Variants in ST6GALNAC5 observed in about 807,000 individuals in gnomAD.
The protein encoded by ST6GALNAC5 is alpha-N-acetylgalactosaminide alpha-2,6-sialyltransferase 5.
In ST6GALNAC5, 27 loss-of-function variants were observed where a neutral mutation model predicts 33.6. The ratio of observed to expected loss-of-function variants is 0.80; its 90% confidence interval spans 0.59 to 1.11. The LOEUF (loss-of-function observed/expected upper bound fraction) is 1.11, where lower values mean the gene tolerates loss of function less well. ST6GALNAC5 is among the 50% of genes least tolerant of loss of function. ST6GALNAC5 has a pLI of 0.00. For synonymous variants in ST6GALNAC5, 194 were observed against 171.2 expected (o/e 1.13, Z -1.04); for missense variants, 428 against 454.0 (o/e 0.94, Z 0.52).
Position 77,063,866 on chromosome 1 carries a change from G to T in ST6GALNAC5, c.*660G>T, listed in dbSNP as rs1361987201. On this transcript the variant is annotated 3_prime_UTR_variant, in exon 5 of 5. Coordinates refer to ENST00000477717, the MANE Select transcript of ST6GALNAC5 (RefSeq NM_030965.3). ...AGAATTAGGTTACTCTGTTCACAATGCTCATTGTTAGCATGCAATTGGTAT... is the reference window on the plus strand; with the variant it reads ...AGAATTAGGTTACTCTGTTCACAATTCTCATTGTTAGCATGCAATTGGTAT... 2 of 152,666 alleles carry T rather than the reference G, an allele frequency of 1.3e-5. No individual in the cohort carries two copies. The highest frequency in any genetic ancestry group is 4.8e-5 in the African/African-American group (2 of 41,446). 9.5% of individuals were successfully genotyped at this position (152,666 alleles called of 1,614,324 possible). A position where few individuals can be genotyped will look rare whatever the true frequency, so the allele number is the denominator to read the frequency against.
intron 4 of ST6GALNAC5, among the ~76,000 whole-genome samples, chr1:77,061,267 A>G (rs928671718): frequency 6.6e-6 from 1 of 152,216 alleles, no homozygotes; most frequent in Non-Finnish European, 1.5e-5. Context: ...CATGACAAAA[A>G]TAAATCTCTC....
chr1:76,999,317 C>T (rs1463222545), intron 2 of ST6GALNAC5, among the ~76,000 whole-genome samples: 1 of 152,092 alleles, frequency 6.6e-6, no homozygotes, highest in Non-Finnish European at 1.5e-5. Flanking sequence ...CCTGGTTCAT[C>T]AAGAGGCAAG....
In ST6GALNAC5 at chr1:76,894,789, A is replaced by C. The variant is rs558508621; in HGVS notation, c.261+26047A>C. Among the ~76,000 whole-genome samples, 64 of 152,232 alleles carry C rather than the reference A, an allele frequency of 4.2e-4. 1 individual carries two copies. The highest frequency in any genetic ancestry group is 1.4e-3 in the African/African-American group (57 of 41,552). The stretch of plus-strand genomic sequence containing the variant: ...TTTGAGATATGAAATTACATGAGTA[A>C]GGTTTGGGGTTTTCACCACAATTTC... On this transcript the variant is annotated intron_variant, in intron 2 of 4. Coordinates refer to ENST00000477717, the MANE Select transcript of ST6GALNAC5 (RefSeq NM_030965.3).
At chr1:76,970,804 T>A (rs1042711392) in intron 2 of ST6GALNAC5, among the ~76,000 whole-genome samples, 1 of 152,220 alleles carries the variant, frequency 6.6e-6, no homozygotes. Context: ...TTAAGAATCA[T>A]GTGTTGCATG....
chr1:77,059,957 T>C (rs776769885), intron 4 of ST6GALNAC5, among the ~76,000 whole-genome samples: 2 of 152,182 alleles, frequency 1.3e-5, no homozygotes, highest in Non-Finnish European at 2.9e-5. Context: ...GGTTCAAACC[T>C]AAGACACTTT....
chr1:76,892,746 C>T (rs1654040687), intron 2 of ST6GALNAC5, among the ~76,000 whole-genome samples: 1 of 152,182 alleles, frequency 6.6e-6, no homozygotes, highest in Admixed American at 6.5e-5. Flanking sequence ...TATCTGGAGT[C>T]CTTTAACCAA....
chr1:77,000,243 G>A (rs1479764104), intron 2 of ST6GALNAC5, among the ~76,000 whole-genome samples: 2 of 114,520 alleles, frequency 1.7e-5, no homozygotes, highest in Non-Finnish European at 4.1e-5. Flanking sequence ...GATGGCCAGT[G>A]ATGATGAGCA....
At chr1:76,884,496 A>G (rs746605540) in intron 2 of ST6GALNAC5, among the ~76,000 whole-genome samples, 4 of 152,196 alleles carry the variant, frequency 2.6e-5, no homozygotes, top group Non-Finnish European at 2.9e-5. Context: ...GTGTGCTGGC[A>G]GAGACTTTAG....
chr1:76,867,653 T>G lies in ST6GALNAC5; in HGVS notation c.-23T>G, dbSNP rs759142360. On this transcript the variant is annotated 5_prime_UTR_variant, in exon 1 of 5. In the 5' UTR this introduces an upstream ATG that the reference lacks. Transcript: ENST00000477717. ...GCCCCGGACGCGCGAGCCTGAGGAT[T>G]CTGCACAAAAGAGGTGCCCAAAATG... The G allele has an allele frequency of 6.2e-7, 1 of 1,614,048 alleles. No homozygotes were observed. The highest frequency in any genetic ancestry group is 8.5e-7 in the Non-Finnish European group (1 of 1,180,006).
At chr1:76,911,421 C>T (rs1364032209) in intron 2 of ST6GALNAC5, among the ~76,000 whole-genome samples, 1 of 152,136 alleles carries the variant, frequency 6.6e-6, no homozygotes, top group Non-Finnish European at 1.5e-5. Context: ...GGTTGTGTCT[C>T]TGCCCGGCTT....
intron 2 of ST6GALNAC5, among the ~76,000 whole-genome samples, chr1:76,917,313 A>G (rs562998791): frequency 1.5e-4 from 23 of 152,338 alleles, no homozygotes; most frequent in Admixed American, 9.2e-4. Flanking sequence ...GATTCGTGAT[A>G]GACAAAAAGT....
chr1:77,017,873 A>G (rs1307805924), intron 2 of ST6GALNAC5, among the ~76,000 whole-genome samples: 1 of 152,198 alleles, frequency 6.6e-6, no homozygotes, highest in Non-Finnish European at 1.5e-5. Context: ...CAATGGAAAG[A>G]ACACTACACG....
rs111540287 is a variant in ST6GALNAC5, at chr1:76,911,074, A to G, written c.261+42332A>G. On this transcript the variant is annotated intron_variant, in intron 2 of 4. Coordinates refer to ENST00000477717, the MANE Select transcript of ST6GALNAC5 (RefSeq NM_030965.3). ...AGAACATACACTCAGGAAAAACTTCAGGCTGATACTGCTAAGATTTTAACA... is the reference window on the plus strand; with the variant it reads ...AGAACATACACTCAGGAAAAACTTCGGGCTGATACTGCTAAGATTTTAACA... Among the ~76,000 whole-genome samples the G allele has an allele frequency of 1.0e-3, 154 of 152,220 alleles. 6 individuals are homozygous for G. The highest frequency in any genetic ancestry group is 3.6e-3 in the African/African-American group (148 of 41,572).
intron 2 of ST6GALNAC5, among the ~76,000 whole-genome samples, chr1:76,953,154 T>C (rs1040898389): frequency 1.3e-5 from 2 of 152,134 alleles, no homozygotes; most frequent in Non-Finnish European, 2.9e-5. Context: ...CATTTGTGTA[T>C]TTTGTATATA....
chr1:77,053,060 T>A (rs1199314358), intron 4 of ST6GALNAC5, among the ~76,000 whole-genome samples: 1 of 151,936 alleles, frequency 6.6e-6, no homozygotes, highest in Non-Finnish European at 1.5e-5. Context: ...TATAAAAAGA[T>A]GCAGCTTTTG....
At chr1:77,035,631 A>G (rs949379973) in intron 2 of ST6GALNAC5, among the ~76,000 whole-genome samples, 4 of 152,178 alleles carry the variant, frequency 2.6e-5, no homozygotes, top group Non-Finnish European at 5.9e-5. Context: ...AGTAGATGCA[A>G]TTGAAAGCCT....
intron 2 of ST6GALNAC5, among the ~76,000 whole-genome samples, chr1:76,884,195 G>A (rs919679227): frequency 6.6e-6 from 1 of 152,162 alleles, no homozygotes; most frequent in African/African-American, 2.4e-5. Flanking sequence ...CCACCCTCCT[G>A]TGTCTGTGCA....
chr1:77,038,119 T>A (rs894016255), intron 2 of ST6GALNAC5, among the ~76,000 whole-genome samples: 1 of 152,234 alleles, frequency 6.6e-6, no homozygotes, highest in Non-Finnish European at 1.5e-5. Flanking sequence ...AACTGCTCAG[T>A]ACTGCCTTCT....
intron 2 of ST6GALNAC5, among the ~76,000 whole-genome samples, chr1:76,906,028 A>T (rs1234826604): frequency 6.6e-6 from 1 of 152,104 alleles, no homozygotes. Context: ...AGCAAACAAG[A>T]TGCTCTTGTC....
Sources: gnomAD v4.1 joint callset for allele counts (sites outside exome capture counted in the v4.1 genomes callset) on GRCh38, gnomAD v4.1.1 for gene constraint, MANE v1.5 for transcripts, NCBI Gene and HGNC (gene_info 2026-07-23, HGNC 2026-07-21) for gene names.